The following ANAPC10 variants were observed in gnomAD, a reference collection of about 807,000 sequenced individuals.
The protein encoded by ANAPC10 is anaphase promoting complex subunit 10.
In ANAPC10, 12 loss-of-function variants were observed where a neutral mutation model predicts 22.0. That is an observed-to-expected ratio of 0.55 (90% CI 0.35 to 0.88). The LOEUF (loss-of-function observed/expected upper bound fraction) is 0.88, where lower values mean the gene tolerates loss of function less well. Ranked by LOEUF, ANAPC10 falls within the 40% of genes least tolerant of loss-of-function variation. The pLI is 0.01. For synonymous variants in ANAPC10, 65 were observed against 69.5 expected (o/e 0.94, Z 0.32); for missense variants, 188 against 220.9 (o/e 0.85, Z 0.94).
rs547424411 is a variant in ANAPC10 at position 145,008,181 on chromosome 4, G to A, written c.328-12578C>T. ...TAGACCAATAACAGGCTCTGAAATT[G>A]AGGCAATAATTAATAGCTTACCAAC... On this transcript the variant is annotated intron_variant, in intron 4 of 4. Coordinates refer to ENST00000507656, the MANE Select transcript of ANAPC10 (RefSeq NM_001256706.2). 1.6e-4 allele frequency among the ~76,000 whole-genome samples: 25 copies of A among 152,026 alleles called. No homozygotes were observed. In the East Asian group the frequency reaches 4.3e-3, roughly 26 times the overall value.
At chr4:145,012,280 C>G (rs1734467334) in intron 4 of ANAPC10, among the ~76,000 whole-genome samples, 1 of 150,244 alleles carries the variant, frequency 6.7e-6, no homozygotes, top group African/African-American at 2.4e-5. Flanking sequence ...TAAATTTATA[C>G]TTAACATATT....
chr4:145,022,333 C>A (rs867255073), intron 4 of ANAPC10, among the ~76,000 whole-genome samples: 1 of 152,028 alleles, frequency 6.6e-6, no homozygotes, highest in African/African-American at 2.4e-5. Flanking sequence ...ACTACTCAGC[C>A]ATAAAAAGGA....
intron 2 of ANAPC10, among the ~76,000 whole-genome samples, chr4:145,086,080 C>A (rs977481535): frequency 6.6e-6 from 1 of 152,042 alleles, no homozygotes; most frequent in South Asian, 2.1e-4. Context: ...TTGCCTCAGC[C>A]TCCCCCAGAG....
intron 4 of ANAPC10, among the ~76,000 whole-genome samples, chr4:145,002,963 C>CAGGTAGTAG (rs1490176177): frequency 6.6e-6 from 1 of 152,094 alleles, no homozygotes; most frequent in Non-Finnish European, 1.5e-5. Flanking sequence ...TTTAGTCACC[C>CAGGTAGTAG]AGGTAGTAGG....
At chr4:145,047,289 T>C (rs182824748) in intron 4 of ANAPC10, among the ~76,000 whole-genome samples, 4 of 152,234 alleles carry the variant, frequency 2.6e-5, no homozygotes, top group Non-Finnish European at 5.9e-5. Context: ...CCTTCTGTCC[T>C]ACTCTGAAAA....
At chr4:145,040,568 C>T (rs752544180) in intron 4 of ANAPC10, among the ~76,000 whole-genome samples, 3 of 152,138 alleles carry the variant, frequency 2.0e-5, no homozygotes, top group African/African-American at 4.8e-5. Context: ...TGCAATCATC[C>T]CAACATCATA....
Position 145,015,470 on chromosome 4 carries a change from G to T in ANAPC10, c.328-19867C>A, listed in dbSNP as rs1036445293. On this transcript the variant is annotated intron_variant, in intron 4 of 4. Transcript: ENST00000507656. ...AAACAACCAAACTTAAGAATAATCG[G>T]TGTTCCTGAAGAAGAAGAGAAATCT... Among the ~76,000 whole-genome samples the T allele has an allele frequency of 8.6e-5, 13 of 151,970 alleles. 1 individual carries two copies. Among genetic ancestry groups the T allele is most frequent in the African/African-American group, 2.7e-4 (11 of 41,338 alleles).
At chr4:144,998,115 C>T (rs1040701154) in intron 4 of ANAPC10, among the ~76,000 whole-genome samples, 2 of 152,112 alleles carry the variant, frequency 1.3e-5, no homozygotes, top group Non-Finnish European at 2.9e-5. Flanking sequence ...GACTTAGACT[C>T]CCACACAATA....
chr4:144,996,270 A>G (rs896327843), intron 4 of ANAPC10, among the ~76,000 whole-genome samples: 1 of 152,200 alleles, frequency 6.6e-6, no homozygotes, highest in African/African-American at 2.4e-5. Flanking sequence ...GGCCTGACAT[A>G]ATAAGCTGTC....
At chr4:145,034,573 G>A (rs2354425) in intron 4 of ANAPC10, among the ~76,000 whole-genome samples, 2,808 of 139,906 alleles carry the variant, frequency 0.02, 78 homozygotes, top group African/African-American at 0.042. Flanking sequence ...GTGTGTGTGT[G>A]TGTATATATC....
chr4:145,061,091 T>A (rs7666221), intron 4 of ANAPC10, among the ~76,000 whole-genome samples: 9,000 of 152,174 alleles, frequency 0.059, 347 homozygotes, highest in African/African-American at 0.11. Context: ...ACAACTCACA[T>A]TATCACCTGA....
chr4:145,008,489 C>G (rs969536723), intron 4 of ANAPC10, among the ~76,000 whole-genome samples: 1 of 152,136 alleles, frequency 6.6e-6, no homozygotes, highest in Admixed American at 6.5e-5. Context: ...TTACCCACCA[C>G]GATCAAGTCA....
At chr4:145,080,191 T>C (rs894221647) in intron 3 of ANAPC10, among the ~76,000 whole-genome samples, 2 of 147,400 alleles carry the variant, frequency 1.4e-5, no homozygotes, top group Non-Finnish European at 1.5e-5. Context: ...CATGGGTGCC[T>C]ACTTGAGGTG....
At chr4:145,050,306 G>A (rs758533136) in intron 4 of ANAPC10, among the ~76,000 whole-genome samples, 3 of 152,210 alleles carry the variant, frequency 2.0e-5, no homozygotes, top group Non-Finnish European at 2.9e-5. Flanking sequence ...GGTCTTTACA[G>A]TGGGATTAAA....
At chr4:145,016,227 T>C (rs533453996) in intron 4 of ANAPC10, among the ~76,000 whole-genome samples, 1 of 152,274 alleles carries the variant, frequency 6.6e-6, no homozygotes, top group Non-Finnish European at 1.5e-5. Flanking sequence ...AACCCCACCG[T>C]CTCAGCCCAA....
chr4:145,068,709 A>T (rs990695769), intron 3 of ANAPC10, among the ~76,000 whole-genome samples: 3 of 152,184 alleles, frequency 2.0e-5, no homozygotes, highest in African/African-American at 7.2e-5. Flanking sequence ...CAAGAGATCG[A>T]GACCATCCTG....
At position 145,064,494 on chromosome 4, in the gene ANAPC10, A is replaced by G. The variant is rs1250527986; in HGVS notation, c.327+78T>C. The G allele has an allele frequency of 2.5e-6, 3 of 1,197,594 alleles. No individual in the cohort carries two copies. In the East Asian group the frequency reaches 7.4e-5, roughly 30 times the overall value. 74.2% of individuals were successfully genotyped at this position (1,197,594 alleles called of 1,614,324 possible). ...ATATATTAACATTTTAACCTGTCTA[A>G]TGTAATGTCAACTGTGACTATCTTC... is the stretch of plus-strand genomic sequence containing the variant. On this transcript the variant is annotated intron_variant, in intron 4 of 4. Transcript: ENST00000507656.
chr4:145,079,996 C>A (rs1410711143), intron 3 of ANAPC10, among the ~76,000 whole-genome samples: 1 of 151,774 alleles, frequency 6.6e-6, no homozygotes, highest in Non-Finnish European at 1.5e-5. Context: ...CACCTGTAAT[C>A]CCAGCTACTC....
chr4:145,082,148 G>A (rs371279324), intron 2 of ANAPC10, among the ~76,000 whole-genome samples: 16 of 152,146 alleles, frequency 1.1e-4, no homozygotes, highest in African/African-American at 3.4e-4. Context: ...ACATCTTCTA[G>A]GAGATATTAT....
Sources: gnomAD v4.1 joint callset for allele counts (sites outside exome capture counted in the v4.1 genomes callset) on GRCh38, gnomAD v4.1.1 for gene constraint, MANE v1.5 for transcripts, NCBI Gene and HGNC (gene_info 2026-07-23, HGNC 2026-07-21) for gene names.